Variants in PTPN14 observed in about 807,000 individuals in gnomAD.
PTPN14 encodes the protein tyrosine-protein phosphatase non-receptor type 14.
Under a neutral mutation model 126.8 loss-of-function variants are expected in PTPN14, and 53 were observed. That is an observed-to-expected ratio of 0.42 (90% CI 0.34 to 0.53). The LOEUF (loss-of-function observed/expected upper bound fraction) is 0.53. PTPN14 is among the 20% of genes least tolerant of loss of function. The pLI, the probability that PTPN14 is intolerant of heterozygous loss-of-function variation, is 0.08. For missense variants in PTPN14, 1,257 were observed against 1,552.9 expected, an observed-to-expected ratio of 0.81 and a Z score of 3.20; for synonymous variants, 630 against 599.3, an observed-to-expected ratio of 1.05 and a Z score of -0.75.
At position 214,369,307 on chromosome 1, in the gene PTPN14, T is replaced by C. The variant is rs1658158066; in HGVS notation, c.3271+150A>G. The C allele has an allele frequency of 2.0e-5, 14 of 700,822 alleles. 1 individual carries two copies. The South Asian group carries it at 2.1e-4, about 10-fold the overall frequency. 43.4% of individuals were successfully genotyped at this position (700,822 alleles called of 1,614,324 possible). A position where few individuals can be genotyped will look rare whatever the true frequency, so the allele number is the denominator to read the frequency against. On this transcript the variant is annotated intron_variant, in intron 17 of 18. Coordinates refer to ENST00000366956, the MANE Select transcript of PTPN14 (RefSeq NM_005401.5). Reference sequence around the variant, plus strand: ...ATGTATTATTATACTCTGTTCTACATAGTAAGAAAGGAATATATATTTCAA... The same window carrying C: ...ATGTATTATTATACTCTGTTCTACACAGTAAGAAAGGAATATATATTTCAA...
At position 214,391,059 on chromosome 1, in the gene PTPN14, T is replaced by G. The variant is rs770569072; in HGVS notation, c.930-14A>C. On this transcript the variant is annotated splice_polypyrimidine_tract_variant and intron_variant, in intron 10 of 18. Transcript: ENST00000366956. The stretch of plus-strand genomic sequence containing the variant: ...GAATTTGACTGTCTACATGAAGAGG[T>G]GAAAAAATGAGAATGGTTATTATTA... 1.4e-5 allele frequency: 22 copies of G among 1,549,820 alleles called. No individual in the cohort carries two copies. The African/African-American group carries it at 3.0e-4, about 21-fold the overall frequency.
At chr1:214,514,470 T>C (rs528087721) in intron 1 of PTPN14, among the ~76,000 whole-genome samples, 1 of 152,250 alleles carries the variant, frequency 6.6e-6, no homozygotes, top group South Asian at 2.1e-4. Flanking sequence ...GATAGGAAAG[T>C]ATGAACCAGT....
chr1:214,451,765 C>CT (rs1660276439), intron 3 of PTPN14, 40 bp downstream of exon 3: 1 of 1,597,702 alleles, frequency 6.3e-7, no homozygotes, highest in Non-Finnish European at 8.5e-7. Flanking sequence ...CACAGTTAGT[C>CT]AACACCCTTA....
chr1:214,395,290 C>T (rs1658851841), intron 8 of PTPN14, among the ~76,000 whole-genome samples: 1 of 151,986 alleles, frequency 6.6e-6, no homozygotes, highest in African/African-American at 2.4e-5. Flanking sequence ...TTCACATTTC[C>T]AAAGTGACAA....
At chr1:214,537,693 C>G (rs80201281) in intron 1 of PTPN14, among the ~76,000 whole-genome samples, 8,562 of 152,296 alleles carry the variant, frequency 0.056, 332 homozygotes, top group South Asian at 0.14. Context: ...TCACCTATAA[C>G]TACTTTTACT....
chr1:214,375,604 T>C (rs1436676330), intron 15 of PTPN14, among the ~76,000 whole-genome samples: 1 of 152,232 alleles, frequency 6.6e-6, no homozygotes, highest in Non-Finnish European at 1.5e-5. Context: ...AACTATGTAA[T>C]ACTGACATAT....
chr1:214,468,499 T>C (rs1019926036), intron 1 of PTPN14, among the ~76,000 whole-genome samples: 2 of 152,076 alleles, frequency 1.3e-5, no homozygotes, highest in Admixed American at 6.6e-5. Flanking sequence ...GAGGTTGCAG[T>C]GAGCTGAGAT....
intron 1 of PTPN14, among the ~76,000 whole-genome samples, chr1:214,473,697 T>G (rs1660809472): frequency 6.6e-6 from 1 of 152,184 alleles, no homozygotes; most frequent in South Asian, 2.1e-4. Context: ...ACTAGGTCAT[T>G]TTCCTAAGGA....
intron 1 of PTPN14, among the ~76,000 whole-genome samples, chr1:214,526,368 A>C (rs1655397835): frequency 6.6e-6 from 1 of 152,156 alleles, no homozygotes; most frequent in African/African-American, 2.4e-5. Context: ...AGTAATTCAA[A>C]TACCATTCCA....
chr1:214,506,158 C>A (rs1042925061), intron 1 of PTPN14, among the ~76,000 whole-genome samples: 1 of 152,074 alleles, frequency 6.6e-6, no homozygotes, highest in African/African-American at 2.4e-5. Flanking sequence ...TAGCATTAAT[C>A]GAAAAACTTC....
intron 12 of PTPN14, 68 bp downstream of exon 12, chr1:214,386,776 G>A: frequency 1.4e-6 from 2 of 1,391,210 alleles, no homozygotes; most frequent in Non-Finnish European, 2.0e-6. Context: ...TTTTTTTAAA[G>A]CCTTCTTTAC....
intron 5 of PTPN14, among the ~76,000 whole-genome samples, chr1:214,405,652 A>T (rs1324317762): frequency 1.3e-5 from 2 of 151,928 alleles, no homozygotes; most frequent in African/African-American, 2.4e-5. Flanking sequence ...TGGAAAACAC[A>T]CTCTTCAACG....
intron 1 of PTPN14, among the ~76,000 whole-genome samples, chr1:214,534,826 T>C (rs1360441344): frequency 1.3e-5 from 2 of 152,214 alleles, no homozygotes; most frequent in Non-Finnish European, 2.9e-5. Flanking sequence ...GGGAATCATG[T>C]GGGATGAGTG....
intron 1 of PTPN14, chr1:214,483,260 T>A (rs1661039639): frequency 6.2e-7 from 1 of 1,608,544 alleles, no homozygotes; most frequent in African/African-American, 1.3e-5. Context: ...AACATTTTCA[T>A]CTCTCTTAGA....
At chr1:214,427,947 C>T (rs775361761) in intron 3 of PTPN14, among the ~76,000 whole-genome samples, 2 of 152,210 alleles carry the variant, frequency 1.3e-5, no homozygotes, top group South Asian at 4.2e-4. Context: ...GAGGATGAAT[C>T]GTTGGGCTGA....
intron 3 of PTPN14, among the ~76,000 whole-genome samples, chr1:214,430,800 C>T (rs1001081687): frequency 2.0e-4 from 31 of 152,220 alleles, no homozygotes; most frequent in Non-Finnish European, 5.9e-5. Flanking sequence ...TCATTCCACC[C>T]ATGAAAGGTA....
intron 1 of PTPN14, among the ~76,000 whole-genome samples, chr1:214,485,877 C>T (rs979935985): frequency 1.4e-4 from 22 of 152,242 alleles, no homozygotes; most frequent in African/African-American, 5.3e-4. Flanking sequence ...AGGCGCCCGC[C>T]GCCACACCCA....
chr1:214,398,374 CTT>C (rs1213428448), intron 7 of PTPN14, among the ~76,000 whole-genome samples: 3 of 152,128 alleles, frequency 2.0e-5, no homozygotes, highest in African/African-American at 7.2e-5. Context: ...GAAATCAAGC[CTT>C]GTTAGACAGG....
chr1:214,541,981 C>T (rs1019622403), intron 1 of PTPN14, among the ~76,000 whole-genome samples: 5 of 152,174 alleles, frequency 3.3e-5, no homozygotes, highest in South Asian at 2.1e-4. Flanking sequence ...AATAAACACA[C>T]GTTTCCATCA....
Sources: gnomAD v4.1 joint callset for allele counts (sites outside exome capture counted in the v4.1 genomes callset) on GRCh38, gnomAD v4.1.1 for gene constraint, MANE v1.5 for transcripts, NCBI Gene and HGNC (gene_info 2026-07-23, HGNC 2026-07-21) for gene names.